The following TMEM260 variants were observed in gnomAD, a reference collection of about 807,000 sequenced individuals.
TMEM260 encodes protein O-mannosyl-transferase TMEM260.
In TMEM260, 82 loss-of-function variants were observed where a neutral mutation model predicts 88.9. The ratio of observed to expected loss-of-function variants is 0.92; its 90% CI spans 0.77 to 1.11. TMEM260 has a LOEUF of 1.11. Among genes scored for constraint, TMEM260 ranks in the 50% least tolerant of loss-of-function variants. TMEM260 has a pLI of 0.00. For synonymous variants in TMEM260, 314 were observed against 309.3 expected, an observed-to-expected ratio of 1.02 and a Z score of -0.16; for missense variants, 902 against 853.4, an observed-to-expected ratio of 1.06 and a Z score of -0.71.
intron 14 of TMEM260, 103 bp from the exon 15 acceptor site, chr14:56,636,405 T>G (rs1889077255): frequency 1.2e-6 from 1 of 861,646 alleles, no homozygotes; most frequent in Non-Finnish European, 1.9e-6. Context: ...CAATAAAGGA[T>G]TTTGTACATC....
chr14:56,654,814 CAAAAAA>C (rs750160414), downstream of TMEM260, among the ~76,000 whole-genome samples: 2 of 51,802 alleles, frequency 3.9e-5, no homozygotes, highest in African/African-American at 2.0e-4. Flanking sequence ...AACTCCATCT[CAAAAAA>C]AAAAAAAAAA....
chr14:56,638,342 T>G (rs1889284816), intron 15 of TMEM260: 1 of 152,096 alleles, frequency 6.6e-6, no homozygotes, highest in South Asian at 2.1e-4. Flanking sequence ...AAAAAAGGGC[T>G]TTAAACTTGA....
At chr14:56,601,433 T>C (rs183750060) in intron 3 of TMEM260, among the ~76,000 whole-genome samples, 2 of 152,272 alleles carry the variant, frequency 1.3e-5, no homozygotes, top group African/African-American at 4.8e-5. Flanking sequence ...GTCCTATTAC[T>C]AATGCTGTTA....
intron 5 of TMEM260, among the ~76,000 whole-genome samples, chr14:56,606,618 G>A (rs557387691): frequency 6.6e-6 from 1 of 152,338 alleles, no homozygotes; most frequent in Non-Finnish European, 1.5e-5. Flanking sequence ...AGGGCTGGGT[G>A]TAGTGGTTCA....
chr14:56,621,725 T>C (rs1303360857), intron 11 of TMEM260, 23 bp downstream of exon 11: 12 of 1,580,270 alleles, frequency 7.6e-6, no homozygotes, highest in African/African-American at 1.4e-5. Flanking sequence ...AAAATATACT[T>C]AGAATATAGC....
chr14:56,641,091 G>A (rs971857462), intron 15 of TMEM260, among the ~76,000 whole-genome samples: 5 of 151,306 alleles, frequency 3.3e-5, no homozygotes, highest in African/African-American at 1.2e-4. Flanking sequence ...AAAACACTCT[G>A]CAGGATACTA....
chr14:56,650,144 G>C (rs1890175706), downstream of TMEM260: 8 of 450,046 alleles, frequency 1.8e-5, no homozygotes, highest in South Asian at 1.3e-4. Context: ...AGACTGTAAT[G>C]GAGGTGACTT....
the TMEM260 span, among the ~76,000 whole-genome samples, chr14:56,659,260 TG>T: frequency 3.2e-5 from 4 of 123,430 alleles, no homozygotes; most frequent in African/African-American, 1.2e-4. Flanking sequence ...TTTTGGTTTT[TG>T]TTTTTTTTTT....
intron 7 of TMEM260, chr14:56,612,525 A>G (rs74052066): frequency 0.017 from 8,917 of 521,564 alleles, 622 homozygotes; most frequent in African/African-American, 0.15. Context: ...ATAAAATGGC[A>G]TAATATTTGT....
chr14:56,654,913 G>A (rs1413320091), downstream of TMEM260, among the ~76,000 whole-genome samples: 1 of 149,380 alleles, frequency 6.7e-6, no homozygotes, highest in Non-Finnish European at 1.5e-5. Flanking sequence ...TGAACCTTAT[G>A]TATTCAGTGT....
At chr14:56,659,089 T>C in the TMEM260 span, among the ~76,000 whole-genome samples, 9 of 152,266 alleles carry the variant, frequency 5.9e-5, no homozygotes, top group East Asian at 1.7e-3. Flanking sequence ...GTGTGGTTAA[T>C]AGTAAGTATT....
intron 6 of TMEM260, among the ~76,000 whole-genome samples, chr14:56,611,003 A>G (rs367851088): frequency 6.2e-5 from 8 of 128,720 alleles, no homozygotes; most frequent in African/African-American, 1.6e-4. Context: ...GTCTCACTCT[A>G]TCACCCAGGC....
chr14:56,639,400 T>G (rs1363751562), intron 15 of TMEM260, among the ~76,000 whole-genome samples: 1 of 152,174 alleles, frequency 6.6e-6, no homozygotes, highest in Non-Finnish European at 1.5e-5. Flanking sequence ...GAGGCCTGTA[T>G]CAAAATATCT....
intron 15 of TMEM260, among the ~76,000 whole-genome samples, chr14:56,643,948 AG>A (rs1326331993): frequency 6.6e-6 from 1 of 152,148 alleles, no homozygotes; most frequent in Admixed American, 6.5e-5. Flanking sequence ...CCAACTTACA[AG>A]GGATGTGAAG....
At chr14:56,637,570 A>G (rs544248073) in intron 15 of TMEM260, among the ~76,000 whole-genome samples, 13 of 152,344 alleles carry the variant, frequency 8.5e-5, no homozygotes, top group African/African-American at 3.1e-4. Context: ...TCTGCTCTAT[A>G]GGAAACTAAT....
chr14:56,640,221 G>A (rs1450004534), intron 15 of TMEM260, among the ~76,000 whole-genome samples: 1 of 152,212 alleles, frequency 6.6e-6, no homozygotes, highest in Non-Finnish European at 1.5e-5. Flanking sequence ...TGACCCCCGA[G>A]TAGCCTAAAT....
downstream of TMEM260, among the ~76,000 whole-genome samples, chr14:56,653,966 C>G (rs1218958680): frequency 1.3e-5 from 2 of 152,170 alleles, no homozygotes; most frequent in Non-Finnish European, 2.9e-5. Context: ...ATGAAACCAG[C>G]TATATTCCAC....
intron 12 of TMEM260, 65 bp downstream of exon 12, chr14:56,625,595 G>A: frequency 7.3e-7 from 1 of 1,366,912 alleles, no homozygotes; most frequent in Non-Finnish European, 1.0e-6. Flanking sequence ...TGTTTCTGTA[G>A]CAGTTGTGCA....
chr14:56,658,439 G>T, the TMEM260 span, among the ~76,000 whole-genome samples: 5 of 151,852 alleles, frequency 3.3e-5, no homozygotes, highest in African/African-American at 1.2e-4. Flanking sequence ...TAGAGACGGG[G>T]TTTCACCATG....
Sources: allele counts gnomAD v4.1 joint callset (sites outside exome capture counted in the v4.1 genomes callset), GRCh38; gene constraint gnomAD v4.1.1; transcripts MANE v1.5; gene names NCBI Gene and HGNC (gene_info 2026-07-23, HGNC 2026-07-21).